DCAF8L2: variants seen among roughly 807,000 people sequenced by gnomAD.
The protein encoded by DCAF8L2 is DDB1- and CUL4-associated factor 8-like protein 2.
For synonymous variants in DCAF8L2, 200 were observed against 190.9 expected (o/e 1.05, Z -0.39); for missense variants, 430 against 490.7 (o/e 0.88, Z 1.17).
chrX:27,524,835 C>T, the DCAF8L2 span, among the ~76,000 whole-genome samples: 6 of 111,600 alleles, frequency 5.4e-5, no homozygotes, highest in Non-Finnish European at 1.1e-4. Flanking sequence ...TGTAGTTGAG[C>T]GGTTTTGAGT....
the DCAF8L2 span, among the ~76,000 whole-genome samples, chrX:27,490,090 T>G: frequency 3.6e-5 from 4 of 111,415 alleles, no homozygotes; most frequent in Non-Finnish European, 7.5e-5. Flanking sequence ...TTGCCCAGGC[T>G]GGTCTGAAAC....
At chrX:27,655,813 A>G (rs370107013) in intron 2 of DCAF8L2, among the ~76,000 whole-genome samples, 2 of 111,590 alleles carry the variant, frequency 1.8e-5, no homozygotes, top group East Asian at 2.8e-4. Context: ...GAGAAACCCA[A>G]GTTGGGCACC....
chrX:27,606,301 T>G (rs185335577), intron 1 of DCAF8L2, among the ~76,000 whole-genome samples: 1,025 of 78,729 alleles, frequency 0.013, 20 homozygotes, highest in African/African-American at 0.037. Context: ...TATATATATA[T>G]GAATTATATA....
At chrX:27,488,480 G>A in the DCAF8L2 span, among the ~76,000 whole-genome samples, 1 of 108,157 alleles carries the variant, frequency 9.2e-6, no homozygotes, top group Non-Finnish European at 1.9e-5. Flanking sequence ...AAAACACAAA[G>A]GCTTTTTTAC....
chrX:27,680,921 T>C (rs1930303625), intron 3 of DCAF8L2, among the ~76,000 whole-genome samples: 1 of 112,223 alleles, frequency 8.9e-6, no homozygotes, highest in African/African-American at 3.2e-5. Flanking sequence ...TGCATTCTTG[T>C]TCACTTAGTA....
In DCAF8L2 at chrX:27,749,309, C is replaced by T. The variant is rs1442910997; in HGVS notation, c.*518C>T. 1.8e-5 allele frequency among the ~76,000 whole-genome samples: 2 copies of T among 111,711 alleles called. No individual in the cohort carries two copies. Among genetic ancestry groups the T allele is most frequent in the Non-Finnish European group, 3.8e-5 (2 of 53,207 alleles). On this transcript the variant is annotated 3_prime_UTR_variant, in exon 5 of 5. Transcript: ENST00000451261. Reference sequence around the variant, plus strand: ...CAGTTTTGTTCTGTCGATACTGACACTTGGCCGCACACACACAGTCTCAGA... The same window carrying T: ...CAGTTTTGTTCTGTCGATACTGACATTTGGCCGCACACACACAGTCTCAGA...
intron 2 of DCAF8L2, among the ~76,000 whole-genome samples, chrX:27,652,447 C>A (rs1171267949): frequency 9.0e-6 from 1 of 111,567 alleles, no homozygotes; most frequent in Non-Finnish European, 1.9e-5. Context: ...CAAAAATCCT[C>A]TAAAGCAGAG....
chrX:27,709,376 T>C (rs967436788), intron 3 of DCAF8L2, among the ~76,000 whole-genome samples: 2 of 112,589 alleles, frequency 1.8e-5, no homozygotes, highest in Admixed American at 1.9e-4. Context: ...ATTTTGTTGA[T>C]TAGTGCATAG....
chrX:27,545,387 T>C, the DCAF8L2 span, among the ~76,000 whole-genome samples: 1 of 112,323 alleles, frequency 8.9e-6, no homozygotes, highest in East Asian at 2.8e-4. Context: ...AAGAATATGC[T>C]ATACCCTGTG....
the DCAF8L2 span, among the ~76,000 whole-genome samples, chrX:27,503,528 C>A: frequency 9.0e-6 from 1 of 110,639 alleles, no homozygotes; most frequent in South Asian, 3.8e-4. Context: ...ATGTCATACA[C>A]CATTTGTTGA....
Position 27,747,885 on chromosome X carries a change from T to G in DCAF8L2, c.990T>G (p.Ser330=). 1.7e-6 allele frequency: 2 copies of G among 1,210,727 alleles called. No individual in the cohort carries two copies. The highest frequency in any genetic ancestry group is 2.2e-6 in the Non-Finnish European group (2 of 894,804). Residue 330 remains serine, a synonymous_variant, in exon 5 of 5, where the codon TCT becomes TCG. Transcript: ENST00000451261. The stretch of plus-strand genomic sequence containing the variant: ...ACAAGTTGGCTCTGGAGCCTGACTC[T>G]CCTTATAAGTTCCTCACTTCAGGTG... ...PAHKLALEPD[S]PYKFLTSGED...
the DCAF8L2 span, among the ~76,000 whole-genome samples, chrX:27,559,098 C>T: frequency 9.0e-6 from 1 of 110,626 alleles, no homozygotes; most frequent in Non-Finnish European, 1.9e-5. Context: ...TTTAAGTTTC[C>T]TGAGGCCTCC....
intron 2 of DCAF8L2, among the ~76,000 whole-genome samples, chrX:27,668,565 T>C (rs1929823636): frequency 8.9e-6 from 1 of 111,838 alleles, no homozygotes; most frequent in Admixed American, 9.5e-5. Flanking sequence ...GGAATATTTA[T>C]AACCCTGCAA....
At chrX:27,615,273 T>G (rs1025250564) in intron 1 of DCAF8L2, among the ~76,000 whole-genome samples, 2 of 111,922 alleles carry the variant, frequency 1.8e-5, no homozygotes, top group African/African-American at 6.5e-5. Flanking sequence ...CTTGTTTGCC[T>G]TAGAACTAAA....
the DCAF8L2 span, among the ~76,000 whole-genome samples, chrX:27,580,035 C>T: frequency 9.1e-6 from 1 of 109,707 alleles, no homozygotes; most frequent in African/African-American, 3.3e-5. Context: ...CTTTTAGTTT[C>T]TAATATGCTA....
rs1300457920 is a variant in DCAF8L2, at chrX:27,747,179, T to A, written c.284T>A (p.Met95Lys). ...TTGGAGGACTTTGAGCATTTCCTCATGAGTGGTGAAAGTTTATTCCATTAC... is the reference window on the plus strand; with the variant it reads ...TTGGAGGACTTTGAGCATTTCCTCAAGAGTGGTGAAAGTTTATTCCATTAC... The part of the protein sequence containing the change: ...ESLEDFEHFL[M>K]SGESLFHYPL... The change falls in exon 5 of 5, where the codon ATG becomes AAG. Residue 95 changes from methionine to lysine, a missense_variant. Met to Lys is a moderately conservative substitution (Grantham distance 95). Transcript: ENST00000451261. 2 of 1,165,562 alleles carry A rather than the reference T, an allele frequency of 1.7e-6. No homozygotes were observed. Among genetic ancestry groups the A allele is most frequent in the Non-Finnish European group, 2.3e-6 (2 of 872,041 alleles).
intron 2 of DCAF8L2, among the ~76,000 whole-genome samples, chrX:27,664,754 A>G (rs6630540): frequency 0.15 from 16,426 of 110,593 alleles, 1,520 homozygotes; most frequent in East Asian, 0.37. Context: ...TTCATTTACC[A>G]TTCCTAAGAT....
the DCAF8L2 span, among the ~76,000 whole-genome samples, chrX:27,505,970 G>A: frequency 8.9e-6 from 1 of 111,826 alleles, no homozygotes; most frequent in Admixed American, 9.6e-5. Flanking sequence ...CTGTGCTCTG[G>A]TCATATGCTC....
the DCAF8L2 span, among the ~76,000 whole-genome samples, chrX:27,481,111 C>T: frequency 3.5e-4 from 39 of 111,349 alleles, no homozygotes; most frequent in African/African-American, 1.2e-3. Context: ...GGTGCAGTGG[C>T]TCACACCTGT....
Sources: allele counts gnomAD v4.1 joint callset (sites outside exome capture counted in the v4.1 genomes callset), GRCh38; gene constraint gnomAD v4.1.1; transcripts MANE v1.5; gene names NCBI Gene and HGNC (gene_info 2026-07-23, HGNC 2026-07-21).